The following PNKD variants were observed in gnomAD, a reference collection of about 807,000 sequenced individuals.
The protein encoded by PNKD is PNKD metallo-beta-lactamase domain containing.
In PNKD, 36 loss-of-function variants were observed where a neutral mutation model predicts 45.3. That is an observed-to-expected ratio of 0.80 (90% CI 0.61 to 1.05). The LOEUF (loss-of-function observed/expected upper bound fraction) is 1.05. Among genes scored for constraint, PNKD ranks in the 50% least tolerant of loss-of-function variants. PNKD has a pLI of 0.00. For missense variants in PNKD, 511 were observed against 506.6 expected (o/e 1.01, Z -0.08); for synonymous variants, 197 against 210.1 (o/e 0.94, Z 0.54).
At chr2:218,278,666 T>C (rs1029147022) in intron 2 of PNKD, 2 of 1,318,368 alleles carry the variant, frequency 1.5e-6, no homozygotes, top group East Asian at 4.7e-5. Flanking sequence ...CGTTTGGAAG[T>C]CTGAGGGGAA....
At chr2:218,296,176 C>T (rs568784035) in intron 2 of PNKD, among the ~76,000 whole-genome samples, 1 of 152,212 alleles carries the variant, frequency 6.6e-6, no homozygotes, top group East Asian at 1.9e-4. Flanking sequence ...TAAGCATATC[C>T]CACTGCCCCA....
rs576987324 is a variant in PNKD at position 218,287,880 on chromosome 2, C to G, written c.236+16331C>G. 4.2e-4 allele frequency among the ~76,000 whole-genome samples: 64 copies of G among 152,248 alleles called. 2 individuals carry two copies. In the South Asian group the frequency reaches 7.2e-3, roughly 17 times the overall value. On this transcript the variant is annotated intron_variant, in intron 2 of 9. Transcript: ENST00000273077. ...GGGGATCACGAGAGGACCCAGGCACCGCAGCTCCGCCACCCTTGTCTGGAG... is the reference window on the plus strand; with the variant it reads ...GGGGATCACGAGAGGACCCAGGCACGGCAGCTCCGCCACCCTTGTCTGGAG...
intron 2 of PNKD, among the ~76,000 whole-genome samples, chr2:218,319,414 C>T (rs1369985066): frequency 7.0e-4 from 62 of 89,138 alleles, no homozygotes; most frequent in African/African-American, 2.5e-3. Flanking sequence ...ATTGCTTTAT[C>T]GCCCAGGCTG....
chr2:218,291,874 G>A (rs550997779), intron 2 of PNKD, among the ~76,000 whole-genome samples: 72 of 152,260 alleles, frequency 4.7e-4, no homozygotes, highest in African/African-American at 1.6e-3. Context: ...GGTGATAGAG[G>A]TGGCCACTTC....
chr2:218,284,231 C>T (rs1692314919), intron 2 of PNKD: 1 of 152,070 alleles, frequency 6.6e-6, no homozygotes, highest in Non-Finnish European at 1.5e-5. Context: ...CGTGATGTCA[C>T]CATGACGTGT....
chr2:218,306,072 T>C (rs1185011320), intron 2 of PNKD, among the ~76,000 whole-genome samples: 2 of 152,014 alleles, frequency 1.3e-5, no homozygotes, highest in Non-Finnish European at 2.9e-5. Context: ...CCTAAAAGGA[T>C]TTCTCCAGGT....
At chr2:218,323,429 C>A in intron 2 of PNKD, 1 of 1,518,916 alleles carries the variant, frequency 6.6e-7, no homozygotes, top group Non-Finnish European at 8.8e-7. Context: ...TCTTCCGAAT[C>A]GGGTTAGTGC....
chr2:218,276,965 C>T, intron 2 of PNKD: 1 of 1,559,078 alleles, frequency 6.4e-7, no homozygotes, highest in Non-Finnish European at 8.8e-7. Context: ...CTGCCCTGAG[C>T]ACTGGGTTCC....
chr2:218,281,197 G>A (rs1414379650), intron 2 of PNKD, among the ~76,000 whole-genome samples: 7 of 136,826 alleles, frequency 5.1e-5, no homozygotes, highest in African/African-American at 1.1e-4. Flanking sequence ...GCAGTAGTGC[G>A]ATCCTGGCTC....
intron 2 of PNKD, chr2:218,280,240 A>G (rs572366450): frequency 1.2e-5 from 9 of 778,512 alleles, no homozygotes; most frequent in East Asian, 5.2e-5. Flanking sequence ...GACAAGTGTT[A>G]TAACAGGAAC....
intron 2 of PNKD, among the ~76,000 whole-genome samples, chr2:218,291,976 A>C: frequency 1.4e-5 from 2 of 144,044 alleles, no homozygotes; most frequent in African/African-American, 2.6e-5. Context: ...TCACCTGTCT[A>C]CACCGAGACT....
chr2:218,328,927 G>T (rs764173875), intron 2 of PNKD, among the ~76,000 whole-genome samples: 13 of 152,218 alleles, frequency 8.5e-5, no homozygotes, highest in Non-Finnish European at 1.6e-4. Flanking sequence ...GGGCCTTGGG[G>T]CCGGGCACAG....
At chr2:218,277,073 G>A (rs1323148593) in intron 2 of PNKD, 27 of 1,614,198 alleles carry the variant, frequency 1.7e-5, no homozygotes, top group Non-Finnish European at 2.3e-5. Flanking sequence ...GGACACAGAA[G>A]AGGCCTGTGC....
intron 2 of PNKD, chr2:218,281,885 C>A: frequency 6.9e-7 from 1 of 1,450,918 alleles, no homozygotes; most frequent in Non-Finnish European, 9.4e-7. Flanking sequence ...GTGGCCTCAT[C>A]TGCTCCAAGT....
chr2:218,335,208 G>A (rs775646565), intron 2 of PNKD, among the ~76,000 whole-genome samples: 2 of 151,984 alleles, frequency 1.3e-5, no homozygotes, highest in African/African-American at 2.4e-5. Flanking sequence ...TGGGCTGGGC[G>A]CGGTGGCTCA....
chr2:218,296,305 T>G (rs1693138134), intron 2 of PNKD, among the ~76,000 whole-genome samples: 1 of 152,194 alleles, frequency 6.6e-6, no homozygotes, highest in Non-Finnish European at 1.5e-5. Context: ...TGGAGTCAAG[T>G]CCATGGCTGC....
intron 2 of PNKD, chr2:218,275,000 T>C (rs1691056092): frequency 6.5e-6 from 1 of 154,042 alleles, no homozygotes; most frequent in Non-Finnish European, 1.4e-5. Context: ...TAATGGCCTA[T>C]GTGTCCAGGA....
intron 2 of PNKD, among the ~76,000 whole-genome samples, chr2:218,289,625 G>GAAA (rs10675061): frequency 0.45 from 39,273 of 87,528 alleles, 11,126 homozygotes; most frequent in South Asian, 0.59. Context: ...CTGGGCGACA[G>GAAA]AAAAAAAAAA....
chr2:218,295,613 G>T (rs1394976401), intron 2 of PNKD, among the ~76,000 whole-genome samples: 2 of 152,048 alleles, frequency 1.3e-5, no homozygotes, highest in South Asian at 2.1e-4. Flanking sequence ...AAGCTAGGAT[G>T]GGGGGTGGAG....
Sources: gnomAD v4.1 joint callset for allele counts (sites outside exome capture counted in the v4.1 genomes callset) on GRCh38, gnomAD v4.1.1 for gene constraint, MANE v1.5 for transcripts, NCBI Gene and HGNC (gene_info 2026-07-23, HGNC 2026-07-21) for gene names.